The following B3GALT2 variants were observed in gnomAD, a reference collection of about 807,000 sequenced individuals.
B3GALT2 encodes the protein UDP-Gal:betaGlcNAc beta 1,3-galactosyltransferase, polypeptide 2.
B3GALT2 carries 13 observed loss-of-function variants against 33.5 expected under a neutral mutation model. The ratio of observed to expected loss-of-function variants is 0.39; its 90% CI spans 0.25 to 0.62. B3GALT2 has a LOEUF of 0.62. B3GALT2 is among the 20% of genes least tolerant of loss of function. The probability of loss-of-function intolerance (pLI) is 0.53; values close to 1 mark genes in which losing one functional copy is unlikely to be tolerated. For missense variants in B3GALT2, 418 were observed against 509.1 expected (o/e 0.82, Z 1.72); for synonymous variants, 195 against 172.7 (o/e 1.13, Z -1.01).
At chr1:193,185,180 AT>A (rs1280621859) in intron 1 of B3GALT2, among the ~76,000 whole-genome samples, 1 of 152,084 alleles carries the variant, frequency 6.6e-6, no homozygotes, top group Non-Finnish European at 1.5e-5. Context: ...GTATTTCCAT[AT>A]TATGTTTTTG....
At position 193,180,927 on chromosome 1, in the gene B3GALT2, AT is replaced by A; in HGVS notation, c.635del (p.Tyr212PhefsTer4). ...QRAILEESRQYHDIIQQEYLD... is the reference protein window; with the variant it reads ...QRAILEESRQXHDIIQQEYLD... ...AGTATTCCTGTTGAATTATATCATG[AT>A]ATTGTCTGCTTTCTTCCAGTATTGC... is the stretch of plus-strand genomic sequence containing the variant. On this transcript the variant is annotated frameshift_variant, in exon 2 of 2. Transcript: ENST00000367434. LOFTEE classifies it high-confidence loss of function. 1 of 1,613,684 alleles carries A rather than the reference AT, an allele frequency of 6.2e-7. No individual in the cohort carries two copies. Among genetic ancestry groups the A allele is most frequent in the Non-Finnish European group, 8.5e-7 (1 of 1,179,952 alleles).
At position 193,181,059 on chromosome 1, in the gene B3GALT2, TCTTCTAG is replaced by T. The variant is rs746926626; in HGVS notation, c.497_503del (p.Ala166GlufsTer12). On this transcript the variant is annotated frameshift_variant, in exon 2 of 2. Coordinates refer to ENST00000367434, the MANE Select transcript of B3GALT2 (RefSeq NM_003783.3). LOFTEE classifies it high-confidence loss of function. ...CATTGCCCCAAGTTTGCCGAATAGC[TCTTCTAG>T]CTTCTATTTGTCCAGGCTCTGCAGC... 1 of 1,614,004 alleles carries T rather than the reference TCTTCTAG, an allele frequency of 6.2e-7. No homozygotes were observed. The highest frequency in any genetic ancestry group is 1.1e-5 in the South Asian group (1 of 91,074).
In B3GALT2 at chr1:193,181,088, C is replaced by T. The variant is rs1676706788; in HGVS notation, c.475G>A (p.Ala159Thr). 6.2e-7 allele frequency: 1 copy of T among 1,614,028 alleles called. No individual in the cohort carries two copies. The highest frequency in any genetic ancestry group is 8.5e-7 in the Non-Finnish European group (1 of 1,179,968). ...KSPFLILLIA[A>T]EPGQIEARRA... ...CTAGCTTCTATTTGTCCAGGCTCTG[C>T]AGCTATTAGTAGTATTAAAAAAGGA... Residue 159 changes from alanine (A) to threonine (T), a missense_variant, in exon 2 of 2, where the codon GCA becomes ACA. By Grantham distance (58) the Ala-to-Thr change is moderately conservative. Coordinates refer to ENST00000367434, the MANE Select transcript of B3GALT2 (RefSeq NM_003783.3).
rs911407373 is a variant in B3GALT2, at chr1:193,180,174, C to T, written c.*120G>A. 2.4e-6 allele frequency: 2 copies of T among 839,308 alleles called. No individual in the cohort carries two copies. Among genetic ancestry groups the T allele is most frequent in the African/African-American group, 3.5e-5 (2 of 56,668 alleles). 52.0% of individuals were successfully genotyped at this position (839,308 alleles called of 1,614,324 possible). On this transcript the variant is annotated 3_prime_UTR_variant, in exon 2 of 2. Transcript: ENST00000367434. ...TTCTTCAGAAATTAAAAAAATACTT[C>T]TTGAATTTCTTTATGTGATGAGTTT...
In B3GALT2 at chr1:193,179,545, A is replaced by G. The variant is rs1676674466; in HGVS notation, c.*749T>C. On this transcript the variant is annotated 3_prime_UTR_variant, in exon 2 of 2. Transcript: ENST00000367434. ...CATTGAAATAGGAGTTTGGTTCTTA[A>G]CATCAATGAGGAAACAAAACTTGTC... is the stretch of plus-strand genomic sequence containing the variant. 1 of 152,628 alleles carries G rather than the reference A, an allele frequency of 6.6e-6. No individual in the cohort carries two copies. The highest frequency in any genetic ancestry group is 6.5e-5 in the Admixed American group (1 of 15,280). The allele number at this position is 152,628 out of a possible 1,614,324, so 9.5% of individuals were successfully genotyped here. A position where few individuals can be genotyped will look rare whatever the true frequency, so the allele number is the denominator to read the frequency against.
intron 1 of B3GALT2, among the ~76,000 whole-genome samples, chr1:193,184,358 C>T (rs1045544449): frequency 3.3e-5 from 5 of 151,776 alleles, no homozygotes; most frequent in East Asian, 1.9e-4. Context: ...CAGTTATTGC[C>T]TGTTGTATTT....
rs1030614778 is a variant in B3GALT2, at chr1:193,182,734, A to G, written c.-120-1052T>C. Among the ~76,000 whole-genome samples the G allele has an allele frequency of 9.2e-5, 14 of 152,238 alleles. No homozygotes were observed. The South Asian group carries it at 1.2e-3, about 14-fold the overall frequency. Reference sequence around the variant, plus strand: ...CAACAAGGTTTTCAGTGCATAGCACAGATTTGTTCACATTTGTTCTTAGTG... The same window carrying G: ...CAACAAGGTTTTCAGTGCATAGCACGGATTTGTTCACATTTGTTCTTAGTG... On this transcript the variant is annotated intron_variant, in intron 1 of 1. Transcript: ENST00000367434.
chr1:193,180,859 A>G lies in B3GALT2; in HGVS notation c.704T>C (p.Met235Thr), dbSNP rs1390669427. Residue 235 changes from methionine to threonine, a missense_variant, in exon 2 of 2, where the codon ATG becomes ACG. Around this residue, in one of 3 missense-constraint regions of B3GALT2, gnomAD observed 226 missense variants for 293.9 expected, o/e 0.77. Transcript: ENST00000367434. Reference protein sequence around the residue: ...YNLTIKTLMGMNWVATYCPHI... With the variant: ...YNLTIKTLMGTNWVATYCPHI... ...TGGACAGTATGTTGCAACCCAGTTC[A>G]TGCCCATTAGTGTTTTAATGGTCAA... 1.2e-6 allele frequency: 2 copies of G among 1,613,934 alleles called. No homozygotes were observed. The highest frequency in any genetic ancestry group is 1.7e-6 in the Non-Finnish European group (2 of 1,179,886).
At position 193,186,028 on chromosome 1, in the gene B3GALT2, T is replaced by C. The variant is rs1046019459; in HGVS notation, c.-130A>G. 1.3e-5 allele frequency: 2 copies of C among 152,376 alleles called. No homozygotes were observed. Among genetic ancestry groups the C allele is most frequent in the African/African-American group, 4.8e-5 (2 of 41,442 alleles). The allele number at this position is 152,376 out of a possible 1,614,324, so 9.4% of individuals were successfully genotyped here. A position where few individuals can be genotyped will look rare whatever the true frequency, so the allele number is the denominator to read the frequency against. On this transcript the variant is annotated 5_prime_UTR_variant, in exon 1 of 2. An upstream open reading frame in the 5' UTR loses its in-frame stop. Coordinates refer to ENST00000367434, the MANE Select transcript of B3GALT2 (RefSeq NM_003783.3). ...CAAGATATTGACATACCTTCCTTGG[T>C]CAGGCCATTTATGTGAAGAGGATTA...
At position 193,180,245 on chromosome 1, in the gene B3GALT2, G is replaced by T; in HGVS notation, c.*49C>A. ...GATGTAATCAGTTCTAACTATACAT[G>T]CTTTTAGCAATATTTACAAATTGCA... is the stretch of plus-strand genomic sequence containing the variant. On this transcript the variant is annotated 3_prime_UTR_variant, in exon 2 of 2. Transcript: ENST00000367434. 1 of 1,479,332 alleles carries T rather than the reference G, an allele frequency of 6.8e-7. No individual in the cohort carries two copies. The highest frequency in any genetic ancestry group is 9.1e-7 in the Non-Finnish European group (1 of 1,098,976). The allele number at this position is 1,479,332 out of a possible 1,614,324, so 91.6% of individuals were successfully genotyped here.
rs377199898 is a variant in B3GALT2, at chr1:193,181,052, G to T, written c.511C>A (p.Arg171=). The part of the protein sequence containing the change: ...PGQIEARRAI[R]QTWGNESLAP... The stretch of plus-strand genomic sequence containing the variant: ...AGACTTTCATTGCCCCAAGTTTGCC[G>T]AATAGCTCTTCTAGCTTCTATTTGT... Residue 171 remains arginine (R), a synonymous_variant, in exon 2 of 2, where the codon CGG becomes AGG. Transcript: ENST00000367434. 144 of 1,613,734 alleles carry T rather than the reference G, an allele frequency of 8.9e-5. No homozygotes were observed. The highest frequency in any genetic ancestry group is 6.5e-5 in the Non-Finnish European group (77 of 1,179,944).
chr1:193,180,939 T>G lies in B3GALT2; in HGVS notation c.624A>C (p.Glu208Asp). Residue 208 changes from glutamate to aspartate, a missense_variant, in exon 2 of 2, where the codon GAA (glutamate) becomes GAC (aspartate). Transcript: ENST00000367434. ...NGYLQRAILE[E>D]SRQYHDIIQQ... ...GAATTATATCATGATATTGTCTGCT[T>G]TCTTCCAGTATTGCACGTTGAAGGT... The G allele has an allele frequency of 6.2e-7, 1 of 1,613,630 alleles. No individual in the cohort carries two copies. The highest frequency in any genetic ancestry group is 8.5e-7 in the Non-Finnish European group (1 of 1,179,946).
rs776292714 is a variant in B3GALT2, at chr1:193,181,378, T to TATG, written c.182_184dup (p.Thr61_Tyr62insSer). 6.2e-7 allele frequency: 1 copy of TATG among 1,614,026 alleles called. No homozygotes were observed. The highest frequency in any genetic ancestry group is 1.7e-5 in the Admixed American group (1 of 60,004). ...TGTTGACCGAAATCCTCGGAAAGTG[T>TATG]ATGTCACAGGGTTTTCTTTGAATCC... On this transcript the variant is annotated inframe_insertion, in exon 2 of 2. Transcript: ENST00000367434.
In B3GALT2 at chr1:193,180,433, C is replaced by T. The variant is rs1676693204; in HGVS notation, c.1130G>A (p.Ser377Asn). The T allele has an allele frequency of 1.9e-6, 3 of 1,613,998 alleles. No individual in the cohort carries two copies. The African/African-American group carries it at 4.0e-5, about 22-fold the overall frequency. Reference sequence around the variant, plus strand: ...GAACTGATGAGAGGTAATTAGGTGGCTGTATTTACAGCTCGAATAAGAGAC... The same window carrying T: ...GAACTGATGAGAGGTAATTAGGTGGTTGTATTTACAGCTCGAATAAGAGAC... ...WRVSYSSCKY[S>N]HLITSHQFQP... Residue 377 changes from serine to asparagine, a missense_variant, in exon 2 of 2, where the codon AGC becomes AAC. Physicochemically the swap from Ser to Asn is conservative, Grantham distance 46. Coordinates refer to ENST00000367434, the MANE Select transcript of B3GALT2 (RefSeq NM_003783.3).
At chr1:193,182,231 A>ATC (rs1224229106) in intron 1 of B3GALT2, among the ~76,000 whole-genome samples, 1 of 152,122 alleles carries the variant, frequency 6.6e-6, no homozygotes, top group African/African-American at 2.4e-5. Flanking sequence ...CTGTGTTGAG[A>ATC]AAGTCAATGA....
intron 1 of B3GALT2, among the ~76,000 whole-genome samples, chr1:193,185,728 T>G (rs1676795252): frequency 6.6e-6 from 1 of 152,160 alleles, no homozygotes; most frequent in African/African-American, 2.4e-5. Flanking sequence ...GCTACAGATT[T>G]TTTTTTAAGT....
intron 1 of B3GALT2, among the ~76,000 whole-genome samples, chr1:193,181,964 T>A (rs1474794366): frequency 6.6e-6 from 1 of 151,550 alleles, no homozygotes; most frequent in Non-Finnish European, 1.5e-5. Context: ...AGTTAAAGAT[T>A]TAAAAGTTGA....
At chr1:193,185,741 A>T (rs1347318349) in intron 1 of B3GALT2, among the ~76,000 whole-genome samples, 1 of 151,908 alleles carries the variant, frequency 6.6e-6, no homozygotes, top group African/African-American at 2.4e-5. Context: ...TTTTAAGTTT[A>T]ATTTCTTAAG....
intron 1 of B3GALT2, among the ~76,000 whole-genome samples, chr1:193,184,387 A>C (rs1676770517): frequency 6.6e-6 from 1 of 152,080 alleles, no homozygotes; most frequent in Non-Finnish European, 1.5e-5. Flanking sequence ...AAAAAGAGAG[A>C]GCAAAACAAG....
Sources: allele counts gnomAD v4.1 joint callset (sites outside exome capture counted in the v4.1 genomes callset), GRCh38; gene constraint gnomAD v4.1.1; regional missense constraint gnomAD v4.1.1; transcripts MANE v1.5; gene names NCBI Gene and HGNC (gene_info 2026-07-23, HGNC 2026-07-21).